The following RORA variants were observed in gnomAD, a reference collection of about 807,000 sequenced individuals.
RORA encodes nuclear receptor ROR-alpha.
Under a neutral mutation model 69.5 loss-of-function variants are expected in RORA, and 7 were observed. The ratio of observed to expected loss-of-function variants is 0.10; its 90% CI spans 0.06 to 0.19. The LOEUF (loss-of-function observed/expected upper bound fraction) is 0.19, where lower values mean the gene tolerates loss of function less well. Ranked by LOEUF, RORA falls within the 10% of genes least tolerant of loss-of-function variation. The pLI, the probability that RORA is intolerant of heterozygous loss-of-function variation, is 1.00. For synonymous variants in RORA, 261 were observed against 240.8 expected, an observed-to-expected ratio of 1.08 and a Z score of -0.78; for missense variants, 457 against 663.0, an observed-to-expected ratio of 0.69 and a Z score of 3.41.
At chr15:60,726,463 G>A (rs549476219) in intron 1 of RORA, among the ~76,000 whole-genome samples, 1 of 152,300 alleles carries the variant, frequency 6.6e-6, no homozygotes, top group Non-Finnish European at 1.5e-5. Flanking sequence ...CACAGCACAG[G>A]GCACAAACAG....
chr15:60,914,490 G>A (rs1366485411), intron 1 of RORA, among the ~76,000 whole-genome samples: 3 of 152,172 alleles, frequency 2.0e-5, no homozygotes, highest in Non-Finnish European at 4.4e-5. Context: ...AATTGCCTTC[G>A]GGATTTGACT....
rs1041522918 is a variant in RORA, at chr15:60,590,484, G to C, written c.197-58633C>G. On this transcript the variant is annotated intron_variant, in intron 2 of 10. Coordinates refer to ENST00000335670, the MANE Select transcript of RORA (RefSeq NM_134261.3). ...GGTGGGTCGTTACTGTTCATTAGGG[G>C]AGAAAGCAGTTTAAAATGTCTCAGC... 2.0e-5 allele frequency among the ~76,000 whole-genome samples: 3 copies of C among 152,116 alleles called. No homozygotes were observed. The East Asian group carries it at 5.8e-4, about 29-fold the overall frequency.
At chr15:60,737,234 G>T (rs2071513652) in intron 1 of RORA, among the ~76,000 whole-genome samples, 1 of 152,282 alleles carries the variant, frequency 6.6e-6, no homozygotes, top group East Asian at 1.9e-4. Flanking sequence ...TGGTCCAACT[G>T]CACACAGCCC....
At chr15:60,730,660 C>A (rs1429161822) in intron 1 of RORA, among the ~76,000 whole-genome samples, 2 of 152,116 alleles carry the variant, frequency 1.3e-5, no homozygotes, top group Non-Finnish European at 2.9e-5. Flanking sequence ...ACTTGTATTT[C>A]TCTTTGCATG....
At chr15:61,125,094 T>C (rs559800715) in intron 1 of RORA, among the ~76,000 whole-genome samples, 1 of 152,340 alleles carries the variant, frequency 6.6e-6, no homozygotes, top group Non-Finnish European at 1.5e-5. Context: ...ATGTTGGTGG[T>C]GATGAAAATA....
intron 1 of RORA, among the ~76,000 whole-genome samples, chr15:61,192,704 G>A (rs1277100550): frequency 6.6e-6 from 1 of 152,184 alleles, no homozygotes; most frequent in African/African-American, 2.4e-5. Flanking sequence ...ACTGCTACCA[G>A]TACACATCCC....
chr15:61,097,932 C>A (rs1245152862), intron 1 of RORA, among the ~76,000 whole-genome samples: 1 of 152,202 alleles, frequency 6.6e-6, no homozygotes, highest in Non-Finnish European at 1.5e-5. Flanking sequence ...TCTCAGTAGT[C>A]AGAGTCAATA....
intron 1 of RORA, among the ~76,000 whole-genome samples, chr15:60,919,179 C>T (rs563921403): frequency 5.9e-5 from 9 of 152,300 alleles, no homozygotes; most frequent in African/African-American, 1.4e-4. Context: ...GTTGACTATC[C>T]TCTGAGGTTG....
chr15:60,779,151 A>G (rs2072217562), intron 1 of RORA, among the ~76,000 whole-genome samples: 1 of 152,168 alleles, frequency 6.6e-6, no homozygotes, highest in Non-Finnish European at 1.5e-5. Flanking sequence ...GGCACAAGCA[A>G]TTTGGATTGC....
chr15:60,541,604 G>A (rs2066875091), intron 2 of RORA, among the ~76,000 whole-genome samples: 1 of 152,230 alleles, frequency 6.6e-6, no homozygotes. Context: ...GGGAAATACA[G>A]AAAGAGGCAG....
chr15:61,024,831 A>G (rs1205607804), intron 1 of RORA, among the ~76,000 whole-genome samples: 1 of 152,136 alleles, frequency 6.6e-6, no homozygotes, highest in East Asian at 1.9e-4. Flanking sequence ...AGCTCAAGCA[A>G]TCTGCCTGCC....
chr15:61,104,999 C>A (rs943772407), intron 1 of RORA, among the ~76,000 whole-genome samples: 2 of 142,522 alleles, frequency 1.4e-5, no homozygotes, highest in Non-Finnish European at 3.1e-5. Flanking sequence ...TGAGGCGCCC[C>A]CCCCACCGCC....
intron 1 of RORA, among the ~76,000 whole-genome samples, chr15:60,772,798 T>C (rs557930583): frequency 2.3e-4 from 35 of 152,320 alleles, no homozygotes; most frequent in African/African-American, 8.2e-4. Flanking sequence ...AGGCAACCCC[T>C]GCACTGCGAT....
At chr15:60,572,745 T>A (rs117225043) in intron 2 of RORA, among the ~76,000 whole-genome samples, 1 of 152,282 alleles carries the variant, frequency 6.6e-6, no homozygotes, top group East Asian at 1.9e-4. Context: ...GGCAAGGAAG[T>A]CAGATCACCA....
At chr15:60,576,303 G>A (rs577583769) in intron 2 of RORA, among the ~76,000 whole-genome samples, 1 of 152,258 alleles carries the variant, frequency 6.6e-6, no homozygotes, top group African/African-American at 2.4e-5. Flanking sequence ...TTCTCTCTTA[G>A]TTATAACAGT....
At chr15:60,773,085 G>A (rs1057475813) in intron 1 of RORA, among the ~76,000 whole-genome samples, 1 of 152,166 alleles carries the variant, frequency 6.6e-6, no homozygotes, top group African/African-American at 2.4e-5. Flanking sequence ...TAAGGAAGGG[G>A]CTCTTTATTG....
intron 1 of RORA, among the ~76,000 whole-genome samples, chr15:61,165,281 A>G (rs936766952): frequency 1.6e-4 from 24 of 152,184 alleles, no homozygotes; most frequent in African/African-American, 5.5e-4. Context: ...TGCAACTCCA[A>G]CTGTCATCCA....
chr15:60,603,645 T>C (rs1270194980), intron 2 of RORA, among the ~76,000 whole-genome samples: 1 of 152,230 alleles, frequency 6.6e-6, no homozygotes, highest in Admixed American at 6.5e-5. Flanking sequence ...ACATCTTATT[T>C]AGTATGTATT....
chr15:60,752,584 G>C (rs897725596), intron 1 of RORA, among the ~76,000 whole-genome samples: 2 of 152,010 alleles, frequency 1.3e-5, no homozygotes, highest in South Asian at 4.2e-4. Flanking sequence ...GAACAACAGC[G>C]GTAGGAAATC....
Sources: gnomAD v4.1 joint callset for allele counts (sites outside exome capture counted in the v4.1 genomes callset) on GRCh38, gnomAD v4.1.1 for gene constraint, MANE v1.5 for transcripts, NCBI Gene and HGNC (gene_info 2026-07-23, HGNC 2026-07-21) for gene names.